Variants in GALNT13 observed in about 807,000 individuals in gnomAD.
GALNT13 encodes the protein UDP-GalNAc:polypeptide N-acetylgalactosaminyltransferase 13.
Under a neutral mutation model 64.2 loss-of-function variants are expected in GALNT13, and 28 were observed. That is an observed-to-expected ratio of 0.44 (90% CI 0.32 to 0.60). The LOEUF (loss-of-function observed/expected upper bound fraction) is 0.60. Ranked by LOEUF, GALNT13 falls within the 20% of genes least tolerant of loss-of-function variation. The pLI is 0.05. For missense variants in GALNT13, 577 were observed against 669.8 expected, an observed-to-expected ratio of 0.86 and a Z score of 1.53; for synonymous variants, 214 against 224.6, an observed-to-expected ratio of 0.95 and a Z score of 0.42.
intron 4 of GALNT13, among the ~76,000 whole-genome samples, chr2:154,184,200 C>T (rs978517534): frequency 2.0e-5 from 3 of 151,740 alleles, no homozygotes; most frequent in Non-Finnish European, 4.4e-5. Flanking sequence ...AGGTTTTGAC[C>T]TATAATCTAT....
the GALNT13 span, among the ~76,000 whole-genome samples, chr2:153,403,965 T>A: frequency 1.3e-5 from 2 of 152,180 alleles, no homozygotes; most frequent in East Asian, 3.8e-4. Context: ...GTGAACAGAT[T>A]TTTATTTTGA....
At chr2:154,129,082 CA>C (rs1682463714) in intron 3 of GALNT13, among the ~76,000 whole-genome samples, 1 of 152,050 alleles carries the variant, frequency 6.6e-6, no homozygotes, top group Non-Finnish European at 1.5e-5. Context: ...AACCCTACCT[CA>C]AGCAATATAT....
chr2:154,375,158 T>G (rs757873831), intron 9 of GALNT13, among the ~76,000 whole-genome samples: 29 of 152,038 alleles, frequency 1.9e-4, no homozygotes, highest in Middle Eastern at 6.3e-3. Context: ...CAGCTAATTT[T>G]TTATATTTTT....
At chr2:153,521,494 G>A in the GALNT13 span, among the ~76,000 whole-genome samples, 1 of 151,882 alleles carries the variant, frequency 6.6e-6, no homozygotes, top group East Asian at 1.9e-4. Context: ...TCAACATCCC[G>A]TACCAGAGTG....
intron 3 of GALNT13, among the ~76,000 whole-genome samples, chr2:154,024,521 G>A (rs1697793394): frequency 1.3e-5 from 2 of 152,148 alleles, no homozygotes; most frequent in South Asian, 2.1e-4. Context: ...CGTAGCTCTC[G>A]TGCCTTGGTT....
chr2:154,446,935 A>G (rs1352267733), intron 12 of GALNT13, among the ~76,000 whole-genome samples: 1 of 151,804 alleles, frequency 6.6e-6, no homozygotes, highest in African/African-American at 2.4e-5. Flanking sequence ...TGGGGACTGC[A>G]TATATTAAGT....
At chr2:153,932,620 G>A (rs1039328490) in intron 2 of GALNT13, among the ~76,000 whole-genome samples, 5 of 127,834 alleles carry the variant, frequency 3.9e-5, no homozygotes, top group Admixed American at 1.6e-4. Flanking sequence ...CTTTTTTTCT[G>A]TCTTTCTTTT....
intron 4 of GALNT13, among the ~76,000 whole-genome samples, chr2:154,152,809 G>T (rs1684132557): frequency 6.6e-6 from 1 of 152,004 alleles, no homozygotes; most frequent in Non-Finnish European, 1.5e-5. Context: ...TCTCTGTATT[G>T]GTTATTCTAG....
chr2:153,442,859 G>T, the GALNT13 span, among the ~76,000 whole-genome samples: 1 of 152,128 alleles, frequency 6.6e-6, no homozygotes, highest in Admixed American at 6.5e-5. Context: ...GGGGAAAACC[G>T]CCTACTCAAG....
intron 8 of GALNT13, among the ~76,000 whole-genome samples, chr2:154,265,273 G>A (rs1690929750): frequency 6.6e-6 from 1 of 151,616 alleles, no homozygotes; most frequent in Admixed American, 6.6e-5. Flanking sequence ...AAACAGCCCT[G>A]TATCTAGTAA....
chr2:153,732,359 G>A, the GALNT13 span, among the ~76,000 whole-genome samples: 1 of 151,938 alleles, frequency 6.6e-6, no homozygotes, highest in Non-Finnish European at 1.5e-5. Flanking sequence ...GCATGTGAGT[G>A]TAGAGTACTA....
the GALNT13 span, among the ~76,000 whole-genome samples, chr2:153,266,837 A>G: frequency 1.3e-5 from 2 of 152,170 alleles, no homozygotes; most frequent in Non-Finnish European, 2.9e-5. Context: ...TTCAAAACCA[A>G]TTATGCCTTC....
chr2:153,790,101 G>A, the GALNT13 span, among the ~76,000 whole-genome samples: 1 of 152,252 alleles, frequency 6.6e-6, no homozygotes, highest in Admixed American at 6.5e-5. Context: ...GCATCACCGT[G>A]ATACCAAACC....
At chr2:153,533,027 T>G in the GALNT13 span, among the ~76,000 whole-genome samples, 1,563 of 152,284 alleles carry the variant, frequency 0.01, 21 homozygotes, top group African/African-American at 0.036. Context: ...ATATATGAAT[T>G]TATTGATTTT....
the GALNT13 span, among the ~76,000 whole-genome samples, chr2:153,673,901 C>A: frequency 3.9e-5 from 6 of 152,294 alleles, no homozygotes; most frequent in South Asian, 1.2e-3. Flanking sequence ...CATTCCTATA[C>A]ACCAGTAACA....
the GALNT13 span, among the ~76,000 whole-genome samples, chr2:153,390,153 C>A: frequency 6.6e-6 from 1 of 152,108 alleles, no homozygotes; most frequent in African/African-American, 2.4e-5. Flanking sequence ...GAGTTCATGT[C>A]TTTTGCAGGG....
intron 3 of GALNT13, among the ~76,000 whole-genome samples, chr2:153,953,070 C>G (rs1692308780): frequency 6.6e-6 from 1 of 152,048 alleles, no homozygotes; most frequent in Non-Finnish European, 1.5e-5. Flanking sequence ...AAATGTTAGT[C>G]TCTTTTGGCA....
At chr2:153,896,540 T>C (rs1687908179) in intron 1 of GALNT13, among the ~76,000 whole-genome samples, 1 of 152,002 alleles carries the variant, frequency 6.6e-6, no homozygotes, top group Non-Finnish European at 1.5e-5. Flanking sequence ...CAAAAACATT[T>C]ATGATTTTGA....
At chr2:153,269,583 C>T in the GALNT13 span, among the ~76,000 whole-genome samples, 1 of 152,106 alleles carries the variant, frequency 6.6e-6, no homozygotes, top group African/African-American at 2.4e-5. Context: ...TGCTTGTTAC[C>T]GTTTCCAAAG....
Sources: allele counts gnomAD v4.1 joint callset (sites outside exome capture counted in the v4.1 genomes callset), GRCh38; gene constraint gnomAD v4.1.1; transcripts MANE v1.5; gene names NCBI Gene and HGNC (gene_info 2026-07-23, HGNC 2026-07-21).